NBPF20: variants seen among roughly 807,000 people sequenced by gnomAD.
NBPF20 encodes NBPF family member NBPF20.
In NBPF20, 90 loss-of-function variants were observed where a neutral mutation model predicts 68.1. The observed-to-expected ratio is 1.32, with a 90% CI of 1.11 to 1.58. The LOEUF is 1.58. Among genes scored for constraint, NBPF20 ranks in the 40% most tolerant of loss-of-function variants. The pLI is 0.00. For synonymous variants in NBPF20, 290 were observed against 228.1 expected, an observed-to-expected ratio of 1.27 and a Z score of -2.45; for missense variants, 816 against 601.2, an observed-to-expected ratio of 1.36 and a Z score of -3.74.
chr1:145,412,230 C>G, the NBPF20 span, among the ~76,000 whole-genome samples: 25 of 151,964 alleles, frequency 1.6e-4, no homozygotes, highest in African/African-American at 5.6e-4. Flanking sequence ...CTCTGATATT[C>G]TGTGACTCTG....
upstream of NBPF20, among the ~76,000 whole-genome samples, chr1:145,406,038 A>T (rs1446769499): frequency 2.5e-4 from 36 of 145,340 alleles, no homozygotes; most frequent in African/African-American, 9.0e-4. Context: ...CCTGCCTCAG[A>T]CTCCCAAGTA....
At chr1:145,404,260 T>G (rs72477337) in intron 2 of NBPF20, among the ~76,000 whole-genome samples, 3 of 117,956 alleles carry the variant, frequency 2.5e-5, no homozygotes, top group Non-Finnish European at 5.2e-5. Flanking sequence ...TTTATTTATC[T>G]TTTTGTTTGT....
chr1:145,292,433 T>C lies in NBPF20; in HGVS notation c.16645A>G (p.Arg5549Gly), dbSNP rs587607403. The C allele has an allele frequency of 6.9e-5, 49 of 707,452 alleles. 3 individuals carry two copies. The highest frequency in any genetic ancestry group is 6.5e-4 in the African/African-American group (32 of 49,286). The allele number at this position is 707,452 out of a possible 1,614,324, so 43.8% of individuals were successfully genotyped here. The change falls in exon 137 of 138, where the codon AGA becomes GGA. Residue 5549 changes from arginine to glycine, a missense_variant. Physicochemically the swap from Arg to Gly is moderately radical, Grantham distance 125. Coordinates refer to ENST00000369373, the Ensembl canonical transcript of NBPF20. ...TCCCCTTCTTTTCTTCCCCTTCTTC[T>C]TTTCTTCTTTGATCTTCTTCCCCTT...
At chr1:145,419,604 A>G in the NBPF20 span, among the ~76,000 whole-genome samples, 1 of 152,056 alleles carries the variant, frequency 6.6e-6, no homozygotes, top group Non-Finnish European at 1.5e-5. Context: ...TGGGTCTGAC[A>G]TCGTCCATTT....
intron 7 of NBPF20, among the ~76,000 whole-genome samples, chr1:145,396,748 GTGTA>G (rs1442586683): frequency 9.4e-6 from 1 of 105,918 alleles, no homozygotes; most frequent in African/African-American, 5.6e-5. Context: ...TATTTTTTGT[GTGTA>G]TGTATATATA....
At chr1:145,405,563 G>C in exon 1 of NBPF20, 2 of 964,712 alleles carry the variant, frequency 2.1e-6, no homozygotes, top group South Asian at 3.2e-5. Context: ...CCAGGTAACC[G>C]TCTGCAGTTG....
At chr1:145,290,618 A>G (rs1363032890) in exon 138 of NBPF20, 1 of 150,730 alleles carries the variant, frequency 6.6e-6, no homozygotes, top group Non-Finnish European at 1.5e-5. Flanking sequence ...ATGCAGCTAC[A>G]TTATCTTTTT....
chr1:145,400,819 C>T (rs1439984603), intron 5 of NBPF20, among the ~76,000 whole-genome samples: 1 of 152,006 alleles, frequency 6.6e-6, no homozygotes, highest in Non-Finnish European at 1.5e-5. Flanking sequence ...TTGCACTGGA[C>T]AGATAGGAGC....
intron 5 of NBPF20, 64 bp from the exon 11 acceptor site, chr1:145,400,658 G>C: frequency 2.2e-5 from 34 of 1,558,058 alleles, no homozygotes; most frequent in Non-Finnish European, 2.9e-5. Context: ...ACCCCAGGGA[G>C]TCCTAGCTGG....
At chr1:145,402,466 G>A (rs1256776495) in intron 3 of NBPF20, 85 bp from the exon 9 acceptor site, 1 of 1,492,842 alleles carries the variant, frequency 6.7e-7, no homozygotes, top group South Asian at 1.1e-5. Context: ...CTGAGATAAT[G>A]TCCTCAAGGA....
chr1:145,378,181 T>G, intron 28 of NBPF20, 87 bp from the exon 34 acceptor site: 2 of 61,230 alleles, frequency 3.3e-5, no homozygotes, highest in Non-Finnish European at 5.7e-5. Context: ...ACACAGGGAC[T>G]TCAGGCTCCT....
At chr1:145,292,207 G>A (rs1320978145) in intron 137 of NBPF20, among the ~76,000 whole-genome samples, 174 bp downstream of exon 142, 1 of 149,516 alleles carries the variant, frequency 6.7e-6, no homozygotes, top group Admixed American at 6.6e-5. Flanking sequence ...TAAAAGATAA[G>A]GGGAGGAAGA....
chr1:145,292,119 C>T (rs1384587422), intron 137 of NBPF20, among the ~76,000 whole-genome samples: 2 of 149,608 alleles, frequency 1.3e-5, no homozygotes, highest in Non-Finnish European at 2.9e-5. Context: ...AATAGTTTTC[C>T]ATAAAATATG....
rs1357290709 is a variant in NBPF20, at chr1:145,291,512, T to A, written c.*14A>T. 10 of 1,611,870 alleles carry A rather than the reference T, an allele frequency of 6.2e-6. No individual in the cohort carries two copies. The East Asian group carries it at 1.6e-4, about 25-fold the overall frequency. On this transcript the variant is annotated 3_prime_UTR_variant, in exon 138 of 138. Coordinates refer to ENST00000369373, the Ensembl canonical transcript of NBPF20. ...GCCTGCAGGAATGACATCTCTCGGC[T>A]TAGTAAGGGCTGTTTATTGTGGGAA...
At chr1:145,425,289 G>A in the NBPF20 span, among the ~76,000 whole-genome samples, 2 of 133,540 alleles carry the variant, frequency 1.5e-5, no homozygotes, top group African/African-American at 5.7e-5. Flanking sequence ...GCCGCAGCTC[G>A]ACCCAGCTGT....
At chr1:145,342,804 C>G (rs1411415214) in intron 73 of NBPF20, among the ~76,000 whole-genome samples, 2 of 116,282 alleles carry the variant, frequency 1.7e-5, no homozygotes, top group African/African-American at 7.2e-5. Flanking sequence ...CAGACACACA[C>G]ACACACACAG....
At chr1:145,422,111 G>T in the NBPF20 span, among the ~76,000 whole-genome samples, 3 of 150,270 alleles carry the variant, frequency 2.0e-5, no homozygotes, top group South Asian at 2.1e-4. Context: ...ATCATATCAC[G>T]TCGGCCCTTT....
At chr1:145,397,523 G>A (rs1662313542) in intron 7 of NBPF20, among the ~76,000 whole-genome samples, 1 of 152,130 alleles carries the variant, frequency 6.6e-6, no homozygotes, top group African/African-American at 2.4e-5. Flanking sequence ...CCTTTACAGA[G>A]AAGCAAATGC....
exon 138 of NBPF20, chr1:145,291,349 T>C (rs1210896158): frequency 2.7e-5 from 37 of 1,346,864 alleles, no homozygotes; most frequent in Admixed American, 1.1e-4. Context: ...CGTGGGTCCA[T>C]TGTCTTCAGA....
Sources: gnomAD v4.1 joint callset for allele counts (sites outside exome capture counted in the v4.1 genomes callset) on GRCh38, gnomAD v4.1.1 for gene constraint, MANE v1.5 for transcripts, NCBI Gene and HGNC (gene_info 2026-07-23, HGNC 2026-07-21) for gene names.